Variants in DLC1 observed in about 807,000 individuals in gnomAD.
DLC1 encodes rho GTPase-activating protein 7.
A neutral mutation model predicts 140.3 loss-of-function variants in DLC1; 54 were observed. The ratio of observed to expected loss-of-function variants is 0.38; its 90% confidence interval spans 0.31 to 0.48. The LOEUF (loss-of-function observed/expected upper bound fraction) is 0.48. DLC1 is among the 20% of genes least tolerant of loss of function. The pLI is 0.96. For synonymous variants in DLC1, 986 were observed against 728.1 expected (o/e 1.35, Z -5.70); for missense variants, 2,536 against 1,907.0 (o/e 1.33, Z -6.14).
At chr8:13,583,865 C>T (rs935906366) in intron 1 of DLC1, 35 of 152,306 alleles carry the variant, frequency 2.3e-4, no homozygotes, top group African/African-American at 8.2e-4. Context: ...ACCACCCACC[C>T]GAGGAGCTTG....
intron 5 of DLC1, among the ~76,000 whole-genome samples, chr8:13,300,302 A>G (rs1230871442): frequency 6.6e-6 from 1 of 152,116 alleles, no homozygotes; most frequent in Non-Finnish European, 1.5e-5. Flanking sequence ...TGTGGGGAGA[A>G]CATTAGAGAA....
At chr8:13,123,656 C>T (rs1185060382) in intron 5 of DLC1, among the ~76,000 whole-genome samples, 1 of 152,082 alleles carries the variant, frequency 6.6e-6, no homozygotes, top group Admixed American at 6.6e-5. Context: ...TGGGCCCTCT[C>T]TCCCTCTTTT....
At chr8:13,413,256 A>ATTTTTTTTTTGTTTTTTTTTTTTTTTTTT (rs1837876248) in intron 2 of DLC1, among the ~76,000 whole-genome samples, 1 of 82,006 alleles carries the variant, frequency 1.2e-5, no homozygotes, top group Non-Finnish European at 2.3e-5. Context: ...TTTTTTTGCG[A>ATTTTTTTTTTGTTTTTTTTTTTTTTTTTT]TTTTTTTTTT....
intron 1 of DLC1, among the ~76,000 whole-genome samples, chr8:13,510,501 C>T (rs1406041598): frequency 6.6e-6 from 1 of 152,060 alleles, no homozygotes; most frequent in Non-Finnish European, 1.5e-5. Context: ...ATACTGTATG[C>T]AAAACAATTT....
chr8:13,197,726 T>C (rs987490987), intron 5 of DLC1, among the ~76,000 whole-genome samples: 29 of 152,018 alleles, frequency 1.9e-4, no homozygotes, highest in African/African-American at 6.0e-4. Flanking sequence ...ATATGGACTT[T>C]ATGGGGGTAA....
intron 5 of DLC1, among the ~76,000 whole-genome samples, chr8:13,162,201 G>C (rs1183277263): frequency 6.6e-6 from 1 of 152,142 alleles, no homozygotes; most frequent in African/African-American, 2.4e-5. Flanking sequence ...ATCAGGAAAA[G>C]GCAAACAATT....
At chr8:13,510,753 T>G (rs1459674541) in intron 1 of DLC1, among the ~76,000 whole-genome samples, 1 of 152,200 alleles carries the variant, frequency 6.6e-6, no homozygotes, top group Non-Finnish European at 1.5e-5. Flanking sequence ...ACTTTTAATT[T>G]CAAACCATTT....
Position 13,100,888 on chromosome 8 carries a change from T to C in DLC1, c.1567-118A>G, listed in dbSNP as rs1585620569. ...GTATCAATTTCCCCCTTGTACTTCA[T>C]GATTTTAATTTTAAAGTTTTTTTTT... On this transcript the variant is annotated intron_variant, in intron 8 of 17. Coordinates refer to ENST00000276297, the MANE Select transcript of DLC1 (RefSeq NM_182643.3). 7.5e-6 allele frequency: 8 copies of C among 1,066,898 alleles called. No homozygotes were observed. The East Asian group carries it at 2.5e-4, about 33-fold the overall frequency. The allele number at this position is 1,066,898 out of a possible 1,614,324, so 66.1% of individuals were successfully genotyped here. A position where few individuals can be genotyped will look rare whatever the true frequency, so the allele number is the denominator to read the frequency against.
chr8:13,562,512 C>T lies in DLC1; in HGVS notation c.-126+42025G>A, dbSNP rs369441267. Among the ~76,000 whole-genome samples, 151 of 152,256 alleles carry T rather than the reference C, an allele frequency of 9.9e-4. No individual in the cohort carries two copies. The South Asian group carries it at 0.011, about 11-fold the overall frequency. ...ATAAGAAGAATTCAATTTAAAATTA[C>T]GCTGAGATATCATTTCTTATCCTTT... On this transcript the variant is annotated intron_variant, in intron 1 of 1. Coordinates refer to the DLC1 transcript ENST00000631382.
rs566237648 is a variant in DLC1, at chr8:13,122,454, A to C, written c.1349-6797T>G. 2.6e-5 allele frequency among the ~76,000 whole-genome samples: 4 copies of C among 152,286 alleles called. No homozygotes were observed. In the South Asian group the frequency reaches 8.3e-4, roughly 32 times the overall value. On this transcript the variant is annotated intron_variant, in intron 5 of 17. Coordinates refer to ENST00000276297, the MANE Select transcript of DLC1 (RefSeq NM_182643.3). ...TATATCCCGAAAGACAACTTTTTGC[A>C]CAAAGGAATTACAGAGAGGTTGGTG...
chr8:13,567,527 A>G lies in DLC1; in HGVS notation c.-126+37010T>C, dbSNP rs977350805. On this transcript the variant is annotated intron_variant, in intron 1 of 1. Transcript: ENST00000631382. ...GAACTTTTGAACAGAATCTACTTTA[A>G]AAACATGAGGACAACGCCAAAACAG... The G allele has an allele frequency of 6.4e-6, 10 of 1,551,812 alleles. No homozygotes were observed. The Admixed American group carries it at 2.0e-4, about 30-fold the overall frequency.
At chr8:13,519,499 T>A (rs1802701329), upstream of DLC1, among the ~76,000 whole-genome samples, 1 of 152,160 alleles carries the variant, frequency 6.6e-6, no homozygotes, top group Admixed American at 6.5e-5. Context: ...AATTTGTAGT[T>A]TATATTCAAT....
chr8:13,344,182 T>C (rs913397474), intron 4 of DLC1, among the ~76,000 whole-genome samples: 1 of 152,224 alleles, frequency 6.6e-6, no homozygotes, highest in Non-Finnish European at 1.5e-5. Context: ...GAATTAGCTA[T>C]AGTTCCTACC....
At chr8:13,194,057 T>C (rs1436444740) in intron 5 of DLC1, among the ~76,000 whole-genome samples, 4 of 152,224 alleles carry the variant, frequency 2.6e-5, no homozygotes, top group Non-Finnish European at 4.4e-5. Flanking sequence ...GGCTAGGGCT[T>C]GGTCTCAGAA....
At chr8:13,303,566 C>G (rs1036628831) in intron 5 of DLC1, among the ~76,000 whole-genome samples, 4 of 152,100 alleles carry the variant, frequency 2.6e-5, no homozygotes, top group African/African-American at 9.7e-5. Flanking sequence ...CTTTGGGAGG[C>G]CGAGGCGGGC....
At position 13,296,153 on chromosome 8, in the gene DLC1, A is replaced by G. The variant is rs551489587; in HGVS notation, c.1348+9116T>C. Among the ~76,000 whole-genome samples, 5 of 151,698 alleles carry G rather than the reference A, an allele frequency of 3.3e-5. 1 individual carries two copies. Among genetic ancestry groups the G allele is most frequent in the African/African-American group, 1.2e-4 (5 of 41,404 alleles). On this transcript the variant is annotated intron_variant, in intron 5 of 17. Coordinates refer to ENST00000276297, the MANE Select transcript of DLC1 (RefSeq NM_182643.3). ...GTATTTTTAGTAGAGACAGAGTTAC[A>G]CCATGTTGGCCAGGCTGGTCTCGAG...
chr8:13,122,896 C>T (rs531410803), intron 5 of DLC1, among the ~76,000 whole-genome samples: 2 of 151,740 alleles, frequency 1.3e-5, no homozygotes, highest in South Asian at 2.1e-4. Flanking sequence ...TAACTCAAAT[C>T]TACTGTTAGG....
intron 2 of DLC1, among the ~76,000 whole-genome samples, chr8:13,430,098 G>A (rs1838792758): frequency 6.6e-6 from 1 of 152,116 alleles, no homozygotes; most frequent in African/African-American, 2.4e-5. Context: ...ATGGTATATA[G>A]GCATCAGTAT....
At chr8:13,121,674 G>A (rs1055170043) in intron 5 of DLC1, among the ~76,000 whole-genome samples, 2 of 151,938 alleles carry the variant, frequency 1.3e-5, no homozygotes, top group African/African-American at 4.8e-5. Flanking sequence ...TCAGCCTCCT[G>A]AGTAGCTGGG....
Sources: gnomAD v4.1 joint callset for allele counts (sites outside exome capture counted in the v4.1 genomes callset) on GRCh38, gnomAD v4.1.1 for gene constraint, MANE v1.5 for transcripts, NCBI Gene and HGNC (gene_info 2026-07-23, HGNC 2026-07-21) for gene names.